Variants in PSMD14 observed in about 807,000 individuals in gnomAD.
The protein encoded by PSMD14 is proteasome 26S subunit, non-ATPase 14.
Under a neutral mutation model 41.2 loss-of-function variants are expected in PSMD14, and 7 were observed. That is an observed-to-expected ratio of 0.17 (90% confidence interval 0.10 to 0.32). The LOEUF (loss-of-function observed/expected upper bound fraction) is 0.32, where lower values mean the gene tolerates loss of function less well. PSMD14 is among the 10% of genes least tolerant of loss of function. The pLI is 1.00. For synonymous variants in PSMD14, 114 were observed against 122.3 expected, an observed-to-expected ratio of 0.93 and a Z score of 0.45; for missense variants, 139 against 375.6, an observed-to-expected ratio of 0.37 and a Z score of 5.21.
intron 3 of PSMD14, among the ~76,000 whole-genome samples, chr2:161,324,258 A>G (rs147284582): frequency 6.6e-6 from 1 of 152,354 alleles, no homozygotes; most frequent in East Asian, 1.9e-4. Context: ...GCCTTACATT[A>G]TAATAGACAC....
intron 3 of PSMD14, among the ~76,000 whole-genome samples, chr2:161,348,852 A>G (rs1683080381): frequency 1.3e-5 from 2 of 152,154 alleles, no homozygotes; most frequent in South Asian, 4.1e-4. Context: ...TATTCATTAG[A>G]CCTTTTTGTA....
chr2:161,370,240 AG>A (rs1214382658), intron 6 of PSMD14, 63 bp downstream of exon 6: 3 of 1,230,926 alleles, frequency 2.4e-6, no homozygotes, highest in Non-Finnish European at 3.4e-6. Context: ...CATACCTCAA[AG>A]TTATAGATGT....
intron 5 of PSMD14, among the ~76,000 whole-genome samples, 174 bp downstream of exon 5, chr2:161,368,077 G>A (rs888259359): frequency 2.0e-5 from 3 of 151,822 alleles, no homozygotes; most frequent in Non-Finnish European, 4.4e-5. Context: ...TCTTTAAAAC[G>A]CAGCATAACT....
intron 3 of PSMD14, among the ~76,000 whole-genome samples, chr2:161,336,331 C>A (rs962553631): frequency 6.6e-5 from 10 of 152,086 alleles, no homozygotes; most frequent in Non-Finnish European, 1.3e-4. Context: ...TAAAACACTG[C>A]TTGTATTTGA....
chr2:161,380,718 T>G (rs1434155833), intron 7 of PSMD14, among the ~76,000 whole-genome samples: 1 of 152,066 alleles, frequency 6.6e-6, no homozygotes, highest in Admixed American at 6.6e-5. Flanking sequence ...GCATTTGGCA[T>G]GAGTCAGTTT....
In PSMD14 at chr2:161,367,745, C is replaced by A. The variant is rs755229548; in HGVS notation, c.121-39C>A. On this transcript the variant is annotated intron_variant, in intron 4 of 11. Coordinates refer to ENST00000409682, the MANE Select transcript of PSMD14 (RefSeq NM_005805.6). ...TATAAAGAAGAACCAGAGACCTCAACGAAATTTGCTTTGTGTCCACATCTC... is the reference window on the plus strand; with the variant it reads ...TATAAAGAAGAACCAGAGACCTCAAAGAAATTTGCTTTGTGTCCACATCTC... 1.1e-5 allele frequency: 17 copies of A among 1,599,196 alleles called. No homozygotes were observed. In the Admixed American group the frequency reaches 3.0e-4, roughly 28 times the overall value.
At chr2:161,352,728 G>T (rs1163459007) in intron 3 of PSMD14, among the ~76,000 whole-genome samples, 1 of 151,506 alleles carries the variant, frequency 6.6e-6, no homozygotes, top group Non-Finnish European at 1.5e-5. Flanking sequence ...TTCTTGTATT[G>T]TTCCTTTGTC....
intron 3 of PSMD14, among the ~76,000 whole-genome samples, chr2:161,338,691 A>C (rs1175643032): frequency 6.6e-6 from 1 of 152,170 alleles, no homozygotes; most frequent in Non-Finnish European, 1.5e-5. Context: ...GATAATATTT[A>C]AAGTGTATAA....
At chr2:161,367,739 C>A (rs751687893) in intron 4 of PSMD14, 45 bp from the exon 5 acceptor site, 43 of 1,595,612 alleles carry the variant, frequency 2.7e-5, no homozygotes, top group Non-Finnish European at 3.5e-5. Flanking sequence ...GAACCAGAGA[C>A]CTCAACGAAA....
chr2:161,361,258 T>TATTC (rs1197066227), intron 3 of PSMD14, among the ~76,000 whole-genome samples: 5 of 152,304 alleles, frequency 3.3e-5, no homozygotes, highest in African/African-American at 1.2e-4. Flanking sequence ...AAATAGAATA[T>TATTC]GTTCAATTCT....
At chr2:161,340,785 C>G in intron 3 of PSMD14, 2 of 1,613,218 alleles carry the variant, frequency 1.2e-6, no homozygotes, top group South Asian at 1.1e-5. Context: ...AAAGGAAAAG[C>G]CTTTAGGAGG....
At chr2:161,367,665 G>T in intron 4 of PSMD14, 116 bp downstream of exon 4, 2 of 1,403,492 alleles carry the variant, frequency 1.4e-6, no homozygotes, top group Non-Finnish European at 9.5e-7. Context: ...ATTGTTTTAG[G>T]TACATTTATA....
At chr2:161,330,859 C>T (rs1402361282) in intron 3 of PSMD14, among the ~76,000 whole-genome samples, 1 of 152,172 alleles carries the variant, frequency 6.6e-6, no homozygotes, top group African/African-American at 2.4e-5. Context: ...TTTTCTCTTA[C>T]TCATTGTACA....
chr2:161,345,665 G>A (rs1438476739), intron 3 of PSMD14, among the ~76,000 whole-genome samples: 1 of 151,960 alleles, frequency 6.6e-6, no homozygotes, highest in East Asian at 1.9e-4. Flanking sequence ...TTGTGCTTTG[G>A]TTTATTGAAC....
intron 2 of PSMD14, 137 bp from the exon 3 acceptor site, chr2:161,318,685 A>G: frequency 1.5e-6 from 1 of 665,120 alleles, no homozygotes; most frequent in East Asian, 2.8e-5. Flanking sequence ...GTGTTAATTA[A>G]CAGGAAGTCT....
At chr2:161,321,121 G>T (rs190685211) in intron 3 of PSMD14, among the ~76,000 whole-genome samples, 120 of 152,280 alleles carry the variant, frequency 7.9e-4, no homozygotes, top group African/African-American at 2.5e-3. Flanking sequence ...AGTAAAAAAG[G>T]AGACACAAAT....
chr2:161,378,736 A>G (rs1296950344), intron 7 of PSMD14, among the ~76,000 whole-genome samples: 2 of 151,972 alleles, frequency 1.3e-5, no homozygotes, highest in African/African-American at 4.8e-5. Context: ...TAGTGATAAC[A>G]TTTACTGGTT....
At chr2:161,400,250 G>A (rs1683857950) in intron 10 of PSMD14, among the ~76,000 whole-genome samples, 1 of 152,174 alleles carries the variant, frequency 6.6e-6, no homozygotes, top group Non-Finnish European at 1.5e-5. Context: ...CTTTCCTTGT[G>A]TTGGCTTTCT....
At chr2:161,364,510 C>A (rs1683333109) in intron 3 of PSMD14, among the ~76,000 whole-genome samples, 1 of 152,078 alleles carries the variant, frequency 6.6e-6, no homozygotes, top group Non-Finnish European at 1.5e-5. Flanking sequence ...CCCAGCCCTG[C>A]CTTGGCCCCC....
Sources: allele counts gnomAD v4.1 joint callset (sites outside exome capture counted in the v4.1 genomes callset), GRCh38; gene constraint gnomAD v4.1.1; transcripts MANE v1.5; gene names NCBI Gene and HGNC (gene_info 2026-07-23, HGNC 2026-07-21).